GRM5: variants seen among roughly 807,000 people sequenced by gnomAD.
The protein encoded by GRM5 is metabotropic glutamate receptor 5.
Under a neutral mutation model 83.1 loss-of-function variants are expected in GRM5, and 19 were observed. The observed-to-expected ratio is 0.23, with a 90% confidence interval of 0.16 to 0.34. The LOEUF (loss-of-function observed/expected upper bound fraction) is 0.34. GRM5 is among the 10% of genes least tolerant of loss of function. The pLI is 1.00. For missense variants in GRM5, 1,160 were observed against 1,588.3 expected (o/e 0.73, Z 4.58); for synonymous variants, 675 against 633.6 (o/e 1.07, Z -0.98).
chr11:88,824,051 G>A (rs1360510217), intron 3 of GRM5, among the ~76,000 whole-genome samples: 1 of 152,144 alleles, frequency 6.6e-6, no homozygotes, highest in South Asian at 2.1e-4. Flanking sequence ...TGAGAATTTG[G>A]CTTTCTTTGT....
At chr11:89,007,025 C>T (rs570411802) in intron 2 of GRM5, among the ~76,000 whole-genome samples, 29 of 152,298 alleles carry the variant, frequency 1.9e-4, no homozygotes, top group African/African-American at 5.1e-4. Flanking sequence ...TCTCCATCTC[C>T]TGACCTCGTG....
At chr11:88,759,623 T>C (rs891306467) in intron 3 of GRM5, among the ~76,000 whole-genome samples, 7 of 152,078 alleles carry the variant, frequency 4.6e-5, no homozygotes, top group African/African-American at 1.4e-4. Context: ...CACACAATAA[T>C]AGTGGGAGAT....
chr11:88,672,815 A>G (rs796741988), intron 3 of GRM5, among the ~76,000 whole-genome samples: 3 of 152,138 alleles, frequency 2.0e-5, no homozygotes, highest in African/African-American at 7.2e-5. Flanking sequence ...AGTAAAATGG[A>G]CATGATTGAG....
chr11:89,047,861 C>G lies in GRM5; in HGVS notation c.12G>C (p.Leu4=), dbSNP rs201668084. 1.9e-6 allele frequency: 3 copies of G among 1,613,278 alleles called. No individual in the cohort carries two copies. The highest frequency in any genetic ancestry group is 2.5e-6 in the Non-Finnish European group (3 of 1,179,388). ...TCAAAAGTAAGACTGACAGGATCAA[C>G]AGAAGGACCATTTTAGGAAAGGAGT... MVL[L]LILSVLLLKE... is the part of the protein sequence containing the mutation. Residue 4 remains leucine, a synonymous_variant, in exon 2 of 10, where the codon CTG becomes CTC. Coordinates refer to ENST00000305447, the MANE Select transcript of GRM5 (RefSeq NM_001143831.3). This position sits in a 1 kb window ranked among gnomAD's most constrained non-coding sequence, Gnocchi z 5.1.
intron 9 of GRM5, among the ~76,000 whole-genome samples, chr11:88,517,406 A>T (rs1405169482): frequency 2.6e-5 from 4 of 152,180 alleles, no homozygotes; most frequent in Non-Finnish European, 5.9e-5. Flanking sequence ...CTTTGAAGGC[A>T]TGTGAGACAC....
intron 2 of GRM5, among the ~76,000 whole-genome samples, chr11:88,937,333 G>T (rs1276417005): frequency 4.0e-5 from 6 of 151,644 alleles, no homozygotes; most frequent in Admixed American, 6.6e-5. Context: ...CTTATAGTTT[G>T]AGAAGTAGAT....
chr11:88,517,772 T>C (rs1941562054), intron 9 of GRM5, among the ~76,000 whole-genome samples: 1 of 152,136 alleles, frequency 6.6e-6, no homozygotes, highest in Non-Finnish European at 1.5e-5. Flanking sequence ...CCATTAGAAA[T>C]GATTTTGATT....
At chr11:89,022,998 A>G (rs1941025180) in intron 2 of GRM5, among the ~76,000 whole-genome samples, 1 of 152,094 alleles carries the variant, frequency 6.6e-6, no homozygotes, top group Non-Finnish European at 1.5e-5. Flanking sequence ...AAGAATGTGT[A>G]TTTCTGACAC....
rs147617748 is a variant in GRM5 at position 88,623,858 on chromosome 11, G to C, written c.1148-18894C>G. On this transcript the variant is annotated intron_variant, in intron 4 of 9. Transcript: ENST00000305447. The stretch of plus-strand genomic sequence containing the variant: ...GTCTTCTAGCTACTAGTACATCCAG[G>C]TGGTGGGGGTGGGCAATATTCTTTA... 9.2e-3 allele frequency among the ~76,000 whole-genome samples: 1,406 copies of C among 152,200 alleles called. 25 individuals carry two copies. The highest frequency in any genetic ancestry group is 0.032 in the African/African-American group (1,330 of 41,540).
intron 3 of GRM5, among the ~76,000 whole-genome samples, chr11:88,726,777 A>T (rs1009761746): frequency 3.6e-5 from 3 of 83,938 alleles, no homozygotes; most frequent in Non-Finnish European, 1.0e-4. Context: ...AGAATTTCAT[A>T]TCCAGCCAAC....
chr11:88,824,187 A>C (rs1263687977), intron 3 of GRM5, among the ~76,000 whole-genome samples: 2 of 152,088 alleles, frequency 1.3e-5, no homozygotes, highest in Non-Finnish European at 1.5e-5. Flanking sequence ...AGAAAAAAAA[A>C]CCCTGAAATT....
At chr11:88,977,108 T>C (rs1939367551) in intron 2 of GRM5, among the ~76,000 whole-genome samples, 2 of 151,398 alleles carry the variant, frequency 1.3e-5, no homozygotes, top group Admixed American at 1.3e-4. Context: ...AAACAAGTCT[T>C]TGTCAAAATG....
chr11:88,611,719 C>T (rs1938322345), intron 4 of GRM5, among the ~76,000 whole-genome samples: 1 of 152,034 alleles, frequency 6.6e-6, no homozygotes, highest in African/African-American at 2.4e-5. Context: ...TCAATCATTT[C>T]AGTTCTGATT....
chr11:88,988,389 G>A (rs1272328226), intron 2 of GRM5, among the ~76,000 whole-genome samples: 1 of 151,598 alleles, frequency 6.6e-6, no homozygotes, highest in Non-Finnish European at 1.5e-5. Flanking sequence ...TCTGATTGGT[G>A]TACCTGAAAG....
intron 3 of GRM5, among the ~76,000 whole-genome samples, chr11:88,766,982 A>AT (rs1942635749): frequency 6.6e-6 from 1 of 151,958 alleles, no homozygotes; most frequent in Admixed American, 6.6e-5. Flanking sequence ...AAAAATGCAA[A>AT]TAAAAAACTC....
intron 3 of GRM5, among the ~76,000 whole-genome samples, chr11:88,657,707 T>C (rs996476046): frequency 1.3e-5 from 2 of 152,182 alleles, no homozygotes; most frequent in Non-Finnish European, 2.9e-5. Context: ...ACAGTTCTTG[T>C]TTAAAACAAA....
At chr11:89,052,013 G>A (rs1169806038) in intron 1 of GRM5, among the ~76,000 whole-genome samples, 1 of 152,188 alleles carries the variant, frequency 6.6e-6, no homozygotes. Flanking sequence ...AGGAATCAGG[G>A]TCTACTCCTA....
intron 2 of GRM5, among the ~76,000 whole-genome samples, chr11:88,894,117 T>C (rs1237483281): frequency 6.6e-6 from 1 of 151,950 alleles, no homozygotes; most frequent in African/African-American, 2.4e-5. Flanking sequence ...CTATGTGTAC[T>C]CTAAGGAGCA....
At chr11:88,645,881 T>C (rs1276838467) in intron 4 of GRM5, among the ~76,000 whole-genome samples, 1 of 152,072 alleles carries the variant, frequency 6.6e-6, no homozygotes, top group Non-Finnish European at 1.5e-5. Context: ...CAGTTGGCTA[T>C]GCGGATGGAA....
Sources: allele counts gnomAD v4.1 joint callset (sites outside exome capture counted in the v4.1 genomes callset), GRCh38; gene constraint gnomAD v4.1.1; non-coding constraint Gnocchi (gnomAD v3.1); transcripts MANE v1.5; gene names NCBI Gene and HGNC (gene_info 2026-07-23, HGNC 2026-07-21).